STK32B: variants seen among roughly 807,000 people sequenced by gnomAD.
STK32B encodes the protein serine/threonine-protein kinase 32B.
Under a neutral mutation model 52.6 loss-of-function variants are expected in STK32B, and 43 were observed. That is an observed-to-expected ratio of 0.82 (90% CI 0.64 to 1.05). The LOEUF (loss-of-function observed/expected upper bound fraction) is 1.05, where lower values mean the gene tolerates loss of function less well. Ranked by LOEUF, STK32B falls within the 50% of genes least tolerant of loss-of-function variation. STK32B has a pLI of 0.00. For synonymous variants in STK32B, 238 were observed against 204.3 expected (o/e 1.17, Z -1.41); for missense variants, 621 against 534.6 (o/e 1.16, Z -1.59).
intron 1 of STK32B, among the ~76,000 whole-genome samples, chr4:5,052,915 C>T (rs778914214): frequency 2.6e-5 from 4 of 152,160 alleles, no homozygotes; most frequent in Non-Finnish European, 4.4e-5. Context: ...TTTTCATGCC[C>T]CTTGAGGTGG....
chr4:5,376,604 C>T (rs1437498446), intron 4 of STK32B, among the ~76,000 whole-genome samples: 1 of 152,036 alleles, frequency 6.6e-6, no homozygotes, highest in East Asian at 1.9e-4. Context: ...CACACGGATC[C>T]CTGGAAACTG....
intron 6 of STK32B, among the ~76,000 whole-genome samples, chr4:5,418,691 GCTGT>G (rs994848618): frequency 2.0e-5 from 3 of 152,218 alleles, no homozygotes; most frequent in Non-Finnish European, 4.4e-5. Context: ...ACTCTCTGCT[GCTGT>G]CTGTCATTCA....
At chr4:5,048,898 C>T (rs1479628513), upstream of STK32B, among the ~76,000 whole-genome samples, 1 of 152,218 alleles carries the variant, frequency 6.6e-6, no homozygotes, top group Non-Finnish European at 1.5e-5. Context: ...GAGTCAGGCA[C>T]ATTCTCTATG....
intron 3 of STK32B, among the ~76,000 whole-genome samples, chr4:5,196,334 GTTT>G (rs35605834): frequency 6.8e-5 from 6 of 87,714 alleles, no homozygotes; most frequent in South Asian, 4.6e-4. Flanking sequence ...TCTTTCTTCA[GTTT>G]TTTTTTTTTT....
rs919358653 is a variant in STK32B at position 5,179,959 on chromosome 4, C to G, written c.260+11509C>G. On this transcript the variant is annotated intron_variant, in intron 3 of 11. Transcript: ENST00000282908. ...CTTGTGGGCAGTGACAGACCTGGCT[C>G]TGGTCACACACCCATTCCTGACACA... 4.0e-4 allele frequency among the ~76,000 whole-genome samples: 61 copies of G among 152,320 alleles called. 1 individual carries two copies. The highest frequency in any genetic ancestry group is 1.2e-3 in the African/African-American group (51 of 41,570).
intron 3 of STK32B, among the ~76,000 whole-genome samples, chr4:5,279,702 T>G (rs1315903733): frequency 6.6e-6 from 1 of 152,160 alleles, no homozygotes; most frequent in African/African-American, 2.4e-5. Context: ...CCGCCAGGTG[T>G]TGCCATACAT....
At chr4:5,350,493 ACAC>A (rs564400738) in intron 4 of STK32B, among the ~76,000 whole-genome samples, 123 of 152,262 alleles carry the variant, frequency 8.1e-4, no homozygotes, top group Non-Finnish European at 1.6e-3. Flanking sequence ...TGGTAAAACA[ACAC>A]ACAAACAAAA....
intron 11 of STK32B, among the ~76,000 whole-genome samples, chr4:5,492,256 G>C (rs1719798857): frequency 1.3e-5 from 2 of 152,006 alleles, no homozygotes; most frequent in African/African-American, 2.4e-5. Flanking sequence ...TTATTTCATT[G>C]AGCAGTGGCT....
At chr4:5,454,663 C>T (rs1004309281) in intron 7 of STK32B, among the ~76,000 whole-genome samples, 49 of 152,224 alleles carry the variant, frequency 3.2e-4, no homozygotes, top group Non-Finnish European at 1.2e-4. Context: ...TTCACACTGC[C>T]TGGCCTTTCA....
the STK32B span, among the ~76,000 whole-genome samples, chr4:5,029,719 A>G: frequency 6.6e-6 from 1 of 152,192 alleles, no homozygotes; most frequent in Non-Finnish European, 1.5e-5. Flanking sequence ...ACTCCCACCC[A>G]GGCGCCCATC....
At chr4:5,403,732 T>A (rs1380866504) in intron 5 of STK32B, among the ~76,000 whole-genome samples, 1 of 152,134 alleles carries the variant, frequency 6.6e-6, no homozygotes, top group Non-Finnish European at 1.5e-5. Flanking sequence ...GCATTGTATG[T>A]GCTACCCCCA....
chr4:5,144,989 G>T (rs1385013014), intron 2 of STK32B, among the ~76,000 whole-genome samples: 1 of 152,196 alleles, frequency 6.6e-6, no homozygotes, highest in African/African-American at 2.4e-5. Context: ...AAGCATGGTA[G>T]GGGAGGAACA....
At chr4:5,143,439 C>T (rs1372957710) in intron 2 of STK32B, among the ~76,000 whole-genome samples, 1 of 152,100 alleles carries the variant, frequency 6.6e-6, no homozygotes, top group Non-Finnish European at 1.5e-5. Flanking sequence ...TATTCTGGAG[C>T]CCACGCATCA....
chr4:5,360,064 C>T (rs1375454830), intron 4 of STK32B, among the ~76,000 whole-genome samples: 2 of 152,144 alleles, frequency 1.3e-5, no homozygotes, highest in African/African-American at 2.4e-5. Flanking sequence ...TTTCTACCTA[C>T]AGGTGATGAG....
chr4:5,452,909 C>G (rs1716134392), intron 7 of STK32B, among the ~76,000 whole-genome samples: 1 of 151,988 alleles, frequency 6.6e-6, no homozygotes, highest in Non-Finnish European at 1.5e-5. Context: ...TAAATACCAC[C>G]TGGTATTCTG....
intron 3 of STK32B, among the ~76,000 whole-genome samples, chr4:5,234,679 T>C (rs16836925): frequency 0.046 from 7,018 of 152,354 alleles, 298 homozygotes; most frequent in African/African-American, 0.11. Context: ...TCTGAGCACG[T>C]TTACCTGTGC....
intron 3 of STK32B, among the ~76,000 whole-genome samples, chr4:5,267,680 T>C (rs1727144488): frequency 6.6e-6 from 1 of 152,226 alleles, no homozygotes; most frequent in South Asian, 2.1e-4. Context: ...TCCTGATGTC[T>C]CATCCAGTCT....
rs779037810 is a variant in STK32B, at chr4:5,279,675, G to A, written c.261-51545G>A. 4.1e-4 allele frequency among the ~76,000 whole-genome samples: 63 copies of A among 152,180 alleles called. 1 individual carries two copies. Among genetic ancestry groups the A allele is most frequent in the South Asian group, 2.1e-4 (1 of 4,826 alleles). ...ATCCTGTGTGGACTGCCCTAATAGA[G>A]GTTCTCCATGAGGGCTCCGCCAGGT... On this transcript the variant is annotated intron_variant, in intron 3 of 11. Coordinates refer to ENST00000282908, the MANE Select transcript of STK32B (RefSeq NM_018401.3).
At chr4:5,283,352 T>C (rs1728331895) in intron 3 of STK32B, among the ~76,000 whole-genome samples, 1 of 151,910 alleles carries the variant, frequency 6.6e-6, no homozygotes, top group Admixed American at 6.6e-5. Flanking sequence ...AAGAAGGCCA[T>C]GGGAATTATG....
Sources: gnomAD v4.1 joint callset for allele counts (sites outside exome capture counted in the v4.1 genomes callset) on GRCh38, gnomAD v4.1.1 for gene constraint, MANE v1.5 for transcripts, NCBI Gene and HGNC (gene_info 2026-07-23, HGNC 2026-07-21) for gene names.